Variants in ODR4 observed in about 807,000 individuals in gnomAD.
ODR4 encodes protein odr-4 homolog.
Under a neutral mutation model 60.2 loss-of-function variants are expected in ODR4, and 47 were observed. The ratio of observed to expected loss-of-function variants is 0.78; its 90% CI spans 0.62 to 1.00. The LOEUF is 1.00. ODR4 is among the 50% of genes least tolerant of loss of function. The probability of loss-of-function intolerance (pLI) is 0.00; values close to 1 mark genes in which losing one functional copy is unlikely to be tolerated. For synonymous variants in ODR4, 178 were observed against 175.5 expected, an observed-to-expected ratio of 1.01 and a Z score of -0.11; for missense variants, 488 against 530.8, an observed-to-expected ratio of 0.92 and a Z score of 0.79.
At chr1:186,387,986 T>G (rs1660316706) in intron 4 of ODR4, among the ~76,000 whole-genome samples, 1 of 152,254 alleles carries the variant, frequency 6.6e-6, no homozygotes, top group Admixed American at 6.5e-5. Flanking sequence ...GCTTGATTTC[T>G]TTAGTTAAAA....
chr1:186,383,178 T>G, intron 3 of ODR4, 22 bp downstream of exon 3: 2 of 1,540,312 alleles, frequency 1.3e-6, no homozygotes, highest in Non-Finnish European at 1.7e-6. Context: ...TTTTTGTTTA[T>G]ATGTTTAAGT....
At chr1:186,389,534 C>T in intron 5 of ODR4, 54 bp from the exon 6 acceptor site, 1 of 1,341,666 alleles carries the variant, frequency 7.5e-7, no homozygotes, top group Admixed American at 2.3e-5. Context: ...AGTTTATATT[C>T]TTTTAGTTAC....
chr1:186,393,640 G>A (rs1159158683), intron 8 of ODR4, among the ~76,000 whole-genome samples: 2 of 152,210 alleles, frequency 1.3e-5, no homozygotes. Flanking sequence ...AGATACATAA[G>A]TGAATGATCC....
chr1:186,389,695 A>G, intron 6 of ODR4, 71 bp downstream of exon 6: 1 of 1,124,894 alleles, frequency 8.9e-7, no homozygotes, highest in Non-Finnish European at 1.3e-6. Flanking sequence ...GCTTTTATTT[A>G]GTTTTAATAA....
chr1:186,379,907 TTATAACTAA>T lies in ODR4; in HGVS notation c.99+24_99+32del, dbSNP rs777138259. ...CAGGTATGTATCTTTTACTCTGCAT[TTATAACTAA>T]ATAATTACTCTGTAATTTATTTTAA... On this transcript the variant is annotated intron_variant, in intron 2 of 13. Coordinates refer to ENST00000287859, the MANE Select transcript of ODR4 (RefSeq NM_017847.6). The T allele has an allele frequency of 9.1e-5, 117 of 1,289,662 alleles. No homozygotes were observed. The African/African-American group carries it at 1.7e-3, about 18-fold the overall frequency. The allele number at this position is 1,289,662 out of a possible 1,614,324, so 79.9% of individuals were successfully genotyped here. A position where few individuals can be genotyped will look rare whatever the true frequency, so the allele number is the denominator to read the frequency against.
chr1:186,429,781 C>T, the ODR4 span, among the ~76,000 whole-genome samples: 1 of 152,000 alleles, frequency 6.6e-6, no homozygotes, highest in Non-Finnish European at 1.5e-5. Context: ...ATAAATTAAC[C>T]AATGCATAAT....
At chr1:186,411,725 A>G (rs754655782) in intron 12 of ODR4, 2 of 231,096 alleles carry the variant, frequency 8.7e-6, no homozygotes, top group Non-Finnish European at 1.4e-5. Flanking sequence ...ACTTTCATAA[A>G]CTTTTAATAT....
chr1:186,400,013 A>G (rs1660867473), intron 11 of ODR4, among the ~76,000 whole-genome samples: 1 of 110,016 alleles, frequency 9.1e-6, no homozygotes, highest in African/African-American at 3.6e-5. Flanking sequence ...TTTTTTTGAG[A>G]CGGAGTTTCG....
At chr1:186,390,202 T>G (rs915422386) in intron 6 of ODR4, among the ~76,000 whole-genome samples, 17 of 152,216 alleles carry the variant, frequency 1.1e-4, no homozygotes, top group African/African-American at 3.6e-4. Flanking sequence ...TAAAAGTGAC[T>G]GAGGACTTTT....
chr1:186,384,328 T>A (rs565426619), intron 3 of ODR4, among the ~76,000 whole-genome samples: 3 of 151,536 alleles, frequency 2.0e-5, no homozygotes, highest in East Asian at 3.9e-4. Context: ...TAGGAACAAA[T>A]ATAGCGAGAA....
chr1:186,386,219 G>C (rs144440251), intron 4 of ODR4, 136 bp downstream of exon 4: 1 of 508,620 alleles, frequency 2.0e-6, no homozygotes, highest in Non-Finnish European at 3.3e-6. Flanking sequence ...CATTGAAAAA[G>C]CTTTTGTCAC....
the ODR4 span, among the ~76,000 whole-genome samples, chr1:186,432,985 C>T: frequency 6.6e-6 from 1 of 151,950 alleles, no homozygotes; most frequent in African/African-American, 2.4e-5. Flanking sequence ...GGGGTTTCAC[C>T]ATGTTGGTCA....
rs773088714 is a variant in ODR4 at position 186,383,003 on chromosome 1, T to G, written c.100-19T>G. On this transcript the variant is annotated intron_variant, in intron 2 of 13. Transcript: ENST00000287859. ...GAATCAGATATCACTCTAACAAGCTTTTTAATTTGTTGTTGAAGTGTTCGT... is the reference window on the plus strand; with the variant it reads ...GAATCAGATATCACTCTAACAAGCTGTTTAATTTGTTGTTGAAGTGTTCGT... 1.1e-5 allele frequency: 17 copies of G among 1,571,706 alleles called. 1 individual carries two copies. In the East Asian group the frequency reaches 3.9e-4, roughly 36 times the overall value.
chr1:186,428,141 C>A, the ODR4 span, among the ~76,000 whole-genome samples: 1 of 152,218 alleles, frequency 6.6e-6, no homozygotes, highest in South Asian at 2.1e-4. Context: ...TGAAGTCAGG[C>A]ATTGACTTCT....
At chr1:186,394,495 C>T (rs893377871) in intron 9 of ODR4, among the ~76,000 whole-genome samples, 12 of 151,904 alleles carry the variant, frequency 7.9e-5, no homozygotes, top group African/African-American at 1.9e-4. Flanking sequence ...CACGTCTTTT[C>T]GAAAATTTAA....
the ODR4 span, among the ~76,000 whole-genome samples, chr1:186,427,895 C>A: frequency 6.6e-6 from 1 of 152,134 alleles, no homozygotes; most frequent in Non-Finnish European, 1.5e-5. Context: ...TGAAAGGAAT[C>A]GTTTTCTGAG....
At position 186,393,997 on chromosome 1, in the gene ODR4, C is replaced by A; in HGVS notation, c.762C>A (p.Val254=). ...AAGCAACTAGTCATTCTTTTGATGT[C>A]AGAGTGCTAACGCAGTTGGTAAATA... ...NTQATSHSFD[V]RVLTQLLLNS... The change falls in exon 9 of 14, where the codon GTC becomes GTA. Residue 254 remains valine, a synonymous_variant. Transcript: ENST00000287859. 6.7e-7 allele frequency: 1 copy of A among 1,499,600 alleles called. No homozygotes were observed. The highest frequency in any genetic ancestry group is 9.1e-7 in the Non-Finnish European group (1 of 1,103,846). The allele number at this position is 1,499,600 out of a possible 1,614,324, so 92.9% of individuals were successfully genotyped here.
intron 3 of ODR4, among the ~76,000 whole-genome samples, chr1:186,384,098 G>C (rs2102021202): frequency 6.6e-6 from 1 of 152,230 alleles, no homozygotes; most frequent in South Asian, 2.1e-4. Context: ...TGTTTGGGTG[G>C]CTATTAAGGA....
chr1:186,398,969 A>G lies in ODR4; in HGVS notation c.925A>G (p.Ile309Val), dbSNP rs1196816913. The G allele has an allele frequency of 6.2e-7, 1 of 1,611,906 alleles. No individual in the cohort carries two copies. Among genetic ancestry groups the G allele is most frequent in the Admixed American group, 1.7e-5 (1 of 59,832 alleles). The change falls in exon 11 of 14, where the codon ATA becomes GTA. Residue 309 changes from isoleucine (I) to valine (V), a missense_variant. Ile to Val is a conservative substitution (Grantham distance 29). Transcript: ENST00000287859. The part of the protein sequence containing the change: ...KDAVQAVKRD[I>V]LNTVADRCEM... ...TTCCCTGTAGGCAGTAAAGAGGGATATATTGAACACAGTTGCTGATCGTTG... is the reference window on the plus strand; with the variant it reads ...TTCCCTGTAGGCAGTAAAGAGGGATGTATTGAACACAGTTGCTGATCGTTG...
Sources: allele counts gnomAD v4.1 joint callset (sites outside exome capture counted in the v4.1 genomes callset), GRCh38; gene constraint gnomAD v4.1.1; transcripts MANE v1.5; gene names NCBI Gene and HGNC (gene_info 2026-07-23, HGNC 2026-07-21).